STIM1: variants seen among roughly 807,000 people sequenced by gnomAD.
STIM1 encodes stromal interaction molecule 1.
STIM1 carries 25 observed loss-of-function variants against 74.7 expected under a neutral mutation model. The ratio of observed to expected loss-of-function variants is 0.33; its 90% confidence interval spans 0.24 to 0.47. The LOEUF is 0.47. Among genes scored for constraint, STIM1 ranks in the 20% least tolerant of loss-of-function variants. STIM1 has a pLI of 1.00. For synonymous variants in STIM1, 328 were observed against 348.8 expected, an observed-to-expected ratio of 0.94 and a Z score of 0.66; for missense variants, 728 against 920.8, an observed-to-expected ratio of 0.79 and a Z score of 2.71.
chr11:3,903,808 G>C (rs1254764231), intron 1 of STIM1, among the ~76,000 whole-genome samples: 1 of 152,162 alleles, frequency 6.6e-6, no homozygotes, highest in Non-Finnish European at 1.5e-5. Flanking sequence ...GAAAGACATA[G>C]TCTGTGTCCA....
intron 1 of STIM1, among the ~76,000 whole-genome samples, chr11:3,965,144 T>G (rs1281578927): frequency 6.6e-6 from 1 of 152,264 alleles, no homozygotes; most frequent in Non-Finnish European, 1.5e-5. Context: ...CCTGCTTTTA[T>G]AAATAAAGTT....
At chr11:3,887,226 G>C (rs2091743425) in intron 1 of STIM1, among the ~76,000 whole-genome samples, 2 of 152,160 alleles carry the variant, frequency 1.3e-5, no homozygotes, top group African/African-American at 2.4e-5. Flanking sequence ...CCTCTAGGGA[G>C]AGTAAAGCAG....
chr11:3,973,312 G>A (rs751674684), intron 2 of STIM1: 15 of 458,248 alleles, frequency 3.3e-5, no homozygotes, highest in African/African-American at 6.0e-5. Flanking sequence ...GAACCATTTC[G>A]ACCTCTTTGG....
In STIM1 at chr11:4,058,972, C is replaced by G. The variant is rs1255576754; in HGVS notation, c.498-309C>G. The G allele has an allele frequency of 4.3e-6, 5 of 1,171,556 alleles. No individual in the cohort carries two copies. The African/African-American group carries it at 7.9e-5, about 19-fold the overall frequency. 72.6% of individuals were successfully genotyped at this position (1,171,556 alleles called of 1,614,324 possible). A position where few individuals can be genotyped will look rare whatever the true frequency, so the allele number is the denominator to read the frequency against. ...GTGGGGAAAATATGTAGAGGATAAA[C>G]CCTGGAAGGAGAAGCACAACAGAAA... On this transcript the variant is annotated intron_variant, in intron 4 of 12. Transcript: ENST00000526596.
chr11:3,889,892 G>A (rs1455566262), intron 1 of STIM1, among the ~76,000 whole-genome samples: 1 of 152,138 alleles, frequency 6.6e-6, no homozygotes, highest in Admixed American at 6.5e-5. Flanking sequence ...TGAGTGGGGA[G>A]ACAGGTAAAT....
chr11:3,895,743 T>C (rs55955926), intron 1 of STIM1, among the ~76,000 whole-genome samples: 1,614 of 34,120 alleles, frequency 0.047, 63 homozygotes, highest in African/African-American at 0.074. Context: ...TCTTTTTCTT[T>C]CTTCCTTCCT....
chr11:3,949,082 T>C (rs575556975), intron 1 of STIM1, among the ~76,000 whole-genome samples: 2 of 152,204 alleles, frequency 1.3e-5, no homozygotes, highest in Non-Finnish European at 2.9e-5. Context: ...AATGTAGGCA[T>C]AGAGAATTTA....
intron 5 of STIM1, among the ~76,000 whole-genome samples, chr11:4,067,476 C>CAG (rs1233113316): frequency 6.6e-6 from 1 of 152,194 alleles, no homozygotes; most frequent in Non-Finnish European, 1.5e-5. Context: ...TGAGCTAGAT[C>CAG]AGGGCCATAT....
intron 5 of STIM1, among the ~76,000 whole-genome samples, chr11:4,065,877 G>A (rs761586927): frequency 2.0e-5 from 3 of 152,198 alleles, no homozygotes; most frequent in Admixed American, 2.0e-4. Context: ...AGTGAGGGAT[G>A]AATATCTATA....
At chr11:4,018,261 A>G (rs1053550109) in intron 2 of STIM1, among the ~76,000 whole-genome samples, 1 of 150,256 alleles carries the variant, frequency 6.7e-6, no homozygotes, top group Non-Finnish European at 1.5e-5. Context: ...CATCCTGGCT[A>G]ACAAGGTGAA....
At chr11:4,040,155 C>T (rs2094137436) in intron 3 of STIM1, among the ~76,000 whole-genome samples, 1 of 152,082 alleles carries the variant, frequency 6.6e-6, no homozygotes, top group Non-Finnish European at 1.5e-5. Flanking sequence ...TGGTATTGGC[C>T]CTAGAAGGTA....
intron 1 of STIM1, among the ~76,000 whole-genome samples, chr11:3,958,434 GA>G (rs77491379): frequency 0.24 from 36,884 of 152,076 alleles, 5,620 homozygotes; most frequent in South Asian, 0.46. Context: ...TTGTCCAGAA[GA>G]AAAGATCTTT....
chr11:3,959,565 G>GGTATGT (rs1270141549), intron 1 of STIM1, among the ~76,000 whole-genome samples: 1 of 152,116 alleles, frequency 6.6e-6, no homozygotes, highest in African/African-American at 2.4e-5. Flanking sequence ...ACTTGGATGT[G>GGTATGT]GTATGTGAAC....
intron 3 of STIM1, among the ~76,000 whole-genome samples, chr11:4,024,890 C>T (rs747674438): frequency 2.0e-5 from 3 of 152,106 alleles, no homozygotes; most frequent in Admixed American, 2.0e-4. Context: ...CTTTAGCTTC[C>T]TCTCCATTTA....
rs200528072 is a variant in STIM1 at position 4,086,512 on chromosome 11, A to G, written c.1603A>G (p.Thr535Ala). ...GCAGAGCAGTGTTCGGCAGCGCCTG[A>G]CGGAGCCACAGCATGGCCTGGGATC... ...SLQSSVRQRL[T>A]EPQHGLGSQR... The change falls in exon 12 of 13, where the codon ACG becomes GCG. Residue 535 changes from threonine (T) to alanine (A), a missense_variant. This residue lies in a region of STIM1 where 352 missense variants were observed against 370.1 expected (regional missense o/e 0.95). Transcript: ENST00000526596. 14 of 1,613,996 alleles carry G rather than the reference A, an allele frequency of 8.7e-6. No homozygotes were observed. The highest frequency in any genetic ancestry group is 1.6e-4 in the Middle Eastern group (1 of 6,084).
chr11:3,916,246 G>A (rs1440242033), intron 1 of STIM1, among the ~76,000 whole-genome samples: 1 of 151,476 alleles, frequency 6.6e-6, no homozygotes, highest in Non-Finnish European at 1.5e-5. Flanking sequence ...TGAATTTCTT[G>A]AACTTTAAAC....
intron 3 of STIM1, among the ~76,000 whole-genome samples, chr11:4,052,210 C>T (rs1311317403): frequency 6.6e-6 from 1 of 152,116 alleles, no homozygotes; most frequent in Admixed American, 6.6e-5. Flanking sequence ...CAGTGCCATG[C>T]CCATCAAGCT....
intron 1 of STIM1, among the ~76,000 whole-genome samples, chr11:3,889,936 C>T (rs1470802417): frequency 4.6e-5 from 7 of 152,068 alleles, no homozygotes; most frequent in Non-Finnish European, 7.4e-5. Flanking sequence ...TAAGCAAAGA[C>T]GGGCCTTTTT....
chr11:3,987,840 C>CACACAT (rs1318629506), intron 2 of STIM1, among the ~76,000 whole-genome samples: 2 of 141,980 alleles, frequency 1.4e-5, no homozygotes, highest in African/African-American at 5.6e-5. Flanking sequence ...CACACACACA[C>CACACAT]ACAGTGTGTA....
Sources: allele counts gnomAD v4.1 joint callset (sites outside exome capture counted in the v4.1 genomes callset), GRCh38; gene constraint gnomAD v4.1.1; regional missense constraint gnomAD v4.1.1; transcripts MANE v1.5; gene names NCBI Gene and HGNC (gene_info 2026-07-23, HGNC 2026-07-21).